TSHZ2: variants seen among roughly 807,000 people sequenced by gnomAD.
TSHZ2 encodes teashirt homolog 2.
In TSHZ2, 21 loss-of-function variants were observed where a neutral mutation model predicts 74.4. The ratio of observed to expected loss-of-function variants is 0.28; its 90% CI spans 0.20 to 0.41. The LOEUF (loss-of-function observed/expected upper bound fraction) is 0.41, where lower values mean the gene tolerates loss of function less well. Ranked by LOEUF, TSHZ2 falls within the 10% of genes least tolerant of loss-of-function variation. TSHZ2 has a pLI of 1.00. For missense variants in TSHZ2, 1,244 were observed against 1,293.5 expected (o/e 0.96, Z 0.59); for synonymous variants, 540 against 515.3 (o/e 1.05, Z -0.65).
chr20:53,050,126 C>CAT (rs57820338), intron 1 of TSHZ2, among the ~76,000 whole-genome samples: 18 of 100,976 alleles, frequency 1.8e-4, no homozygotes, highest in African/African-American at 5.1e-4. Flanking sequence ...TATATATATA[C>CAT]ACATATATAT....
intron 1 of TSHZ2, among the ~76,000 whole-genome samples, chr20:53,184,671 A>G (rs761334897): frequency 2.0e-5 from 3 of 151,836 alleles, no homozygotes; most frequent in Non-Finnish European, 4.4e-5. Context: ...AACAATCTCT[A>G]TTTTTCATTT....
intron 2 of TSHZ2, among the ~76,000 whole-genome samples, chr20:53,291,762 C>T (rs1052381022): frequency 1.3e-5 from 2 of 151,986 alleles, no homozygotes; most frequent in African/African-American, 4.8e-5. Flanking sequence ...TGGCTTTCAC[C>T]CAGGTCATGA....
intron 1 of TSHZ2, among the ~76,000 whole-genome samples, chr20:53,190,125 A>AT (rs1733900699): frequency 1.1e-5 from 1 of 91,328 alleles, no homozygotes; most frequent in African/African-American, 4.9e-5. Flanking sequence ...ATATATATAT[A>AT]TATATATATA....
chr20:53,437,954 T>C (rs540915239), intron 2 of TSHZ2, among the ~76,000 whole-genome samples: 1 of 152,330 alleles, frequency 6.6e-6, no homozygotes, highest in African/African-American at 2.4e-5. Context: ...CTATGCCTCT[T>C]GTACAGTCTG....
At chr20:53,442,462 G>A (rs1354716824) in intron 2 of TSHZ2, among the ~76,000 whole-genome samples, 2 of 152,182 alleles carry the variant, frequency 1.3e-5, no homozygotes, top group African/African-American at 4.8e-5. Context: ...GGCTTAGGTA[G>A]ACAGAGGGAA....
intron 1 of TSHZ2, among the ~76,000 whole-genome samples, chr20:53,121,737 G>A (rs183403626): frequency 1.3e-5 from 2 of 152,186 alleles, no homozygotes; most frequent in Admixed American, 6.5e-5. Flanking sequence ...ATTTTCCAGC[G>A]AGATACAGCC....
At chr20:53,361,236 T>C (rs1242220033) in intron 2 of TSHZ2, among the ~76,000 whole-genome samples, 2 of 152,234 alleles carry the variant, frequency 1.3e-5, no homozygotes, top group East Asian at 3.8e-4. Flanking sequence ...CCCAGGATCT[T>C]TGAATTTAGA....
intron 2 of TSHZ2, among the ~76,000 whole-genome samples, chr20:53,355,088 A>C (rs1243364419): frequency 6.6e-6 from 1 of 152,236 alleles, no homozygotes; most frequent in African/African-American, 2.4e-5. Context: ...GAGTATACCC[A>C]ACACTGAGGA....
At chr20:53,229,307 C>T (rs1212880596) in intron 1 of TSHZ2, among the ~76,000 whole-genome samples, 7 of 152,030 alleles carry the variant, frequency 4.6e-5, no homozygotes, top group Non-Finnish European at 7.4e-5. Context: ...GTCACCTTTG[C>T]CCTGGGTCAC....
intron 1 of TSHZ2, among the ~76,000 whole-genome samples, chr20:53,124,048 A>T (rs1052961746): frequency 1.3e-5 from 2 of 152,126 alleles, no homozygotes; most frequent in African/African-American, 4.8e-5. Context: ...TAATCATCTT[A>T]ATTTTCTCTT....
chr20:53,222,651 G>T (rs1260864803), intron 1 of TSHZ2, among the ~76,000 whole-genome samples: 2 of 152,178 alleles, frequency 1.3e-5, no homozygotes, highest in Non-Finnish European at 1.5e-5. Context: ...GGAACCATGG[G>T]AACAAGCTGT....
chr20:53,205,181 A>G (rs1989136114), intron 1 of TSHZ2, among the ~76,000 whole-genome samples: 1 of 152,140 alleles, frequency 6.6e-6, no homozygotes, highest in African/African-American at 2.4e-5. Flanking sequence ...AGGTTTTCAG[A>G]TAATAAAGCC....
At chr20:53,060,503 C>T (rs770660694) in intron 1 of TSHZ2, among the ~76,000 whole-genome samples, 21 of 152,296 alleles carry the variant, frequency 1.4e-4, no homozygotes, top group Non-Finnish European at 2.2e-4. Context: ...GTTTTCTACA[C>T]GGTGCTAGGC....
chr20:53,141,257 G>A (rs1445778394), intron 1 of TSHZ2, among the ~76,000 whole-genome samples: 1 of 152,210 alleles, frequency 6.6e-6, no homozygotes, highest in Non-Finnish European at 1.5e-5. Context: ...AGCCTCCAGA[G>A]TTGTCTGATT....
chr20:53,270,983 G>T (rs1990823317), intron 2 of TSHZ2, among the ~76,000 whole-genome samples: 3 of 152,140 alleles, frequency 2.0e-5, no homozygotes, highest in Admixed American at 2.0e-4. Context: ...TCTCCCGTGA[G>T]CAGTAACCAT....
rs369779334 is a variant in TSHZ2 at position 53,113,238 on chromosome 20, C to T, written c.40+139905C>T. On this transcript the variant is annotated intron_variant, in intron 1 of 2. Transcript: ENST00000371497. Reference sequence around the variant, plus strand: ...TAGCAGACCTGACATATACTGAGAACGCAGTAAGAATGATGCTGTTGATGT... The same window carrying T: ...TAGCAGACCTGACATATACTGAGAATGCAGTAAGAATGATGCTGTTGATGT... Among the ~76,000 whole-genome samples, 25 of 152,286 alleles carry T rather than the reference C, an allele frequency of 1.6e-4. No homozygotes were observed. In the South Asian group the frequency reaches 3.3e-3, roughly 20 times the overall value.
intron 1 of TSHZ2, among the ~76,000 whole-genome samples, chr20:53,096,348 G>A (rs1469633536): frequency 2.6e-5 from 4 of 152,122 alleles, no homozygotes; most frequent in Non-Finnish European, 5.9e-5. Flanking sequence ...TCACCATGTC[G>A]GCCAAGCTGG....
intron 1 of TSHZ2, among the ~76,000 whole-genome samples, chr20:53,050,938 A>G (rs1361035203): frequency 2.0e-5 from 3 of 152,246 alleles, no homozygotes; most frequent in East Asian, 1.9e-4. Context: ...AATATTTACT[A>G]TCTTTACTCT....
intron 2 of TSHZ2, among the ~76,000 whole-genome samples, chr20:53,264,363 G>A (rs1990664364): frequency 6.6e-6 from 1 of 152,234 alleles, no homozygotes; most frequent in Admixed American, 6.5e-5. Context: ...ACAGCCATCA[G>A]AATCGGAGCA....
Sources: gnomAD v4.1 joint callset for allele counts (sites outside exome capture counted in the v4.1 genomes callset) on GRCh38, gnomAD v4.1.1 for gene constraint, MANE v1.5 for transcripts, NCBI Gene and HGNC (gene_info 2026-07-23, HGNC 2026-07-21) for gene names.